Variants in NCBP1 observed in about 807,000 individuals in gnomAD.
The protein encoded by NCBP1 is nuclear cap binding protein subunit 1.
A neutral mutation model predicts 111.7 loss-of-function variants in NCBP1; 16 were observed. The observed-to-expected ratio is 0.14, with a 90% CI of 0.10 to 0.22. The LOEUF (loss-of-function observed/expected upper bound fraction) is 0.22. Ranked by LOEUF, NCBP1 falls within the 10% of genes least tolerant of loss-of-function variation. The pLI is 1.00. For missense variants in NCBP1, 607 were observed against 957.5 expected (o/e 0.63, Z 4.83); for synonymous variants, 304 against 314.3 (o/e 0.97, Z 0.35).
At position 97,664,371 on chromosome 9, in the gene NCBP1, G is replaced by A. The variant is rs189780807; in HGVS notation, c.1829G>A (p.Arg610His). The change falls in exon 19 of 23, where the codon CGT (arginine) becomes CAT (histidine). Residue 610 changes from arginine (R) to histidine (H), a missense_variant. Physicochemically the swap from Arg to His is conservative, Grantham distance 29. Transcript: ENST00000375147. Reference protein sequence around the residue: ...MIAVLVDKMIRTQIVDCAAVA... With the variant: ...MIAVLVDKMIHTQIVDCAAVA... ...GCTGTACTAGTGGATAAGATGATTC[G>A]TACACAAATAGTTGATTGTGCTGCC... 4 of 1,612,350 alleles carry A rather than the reference G, an allele frequency of 2.5e-6. No individual in the cohort carries two copies. The highest frequency in any genetic ancestry group is 1.7e-5 in the Admixed American group (1 of 59,972).
At chr9:97,671,037 GCT>G in intron 22 of NCBP1, 47 bp from the exon 23 acceptor site, 3 of 1,244,798 alleles carry the variant, frequency 2.4e-6, no homozygotes, top group Non-Finnish European at 3.5e-6. Flanking sequence ...CCACAAGATT[GCT>G]TATATGCTTT....
At chr9:97,641,876 C>G (rs138905040) in intron 3 of NCBP1, among the ~76,000 whole-genome samples, 1 of 152,106 alleles carries the variant, frequency 6.6e-6, no homozygotes, top group African/African-American at 2.4e-5. Flanking sequence ...TATGTTCTTA[C>G]AACCTTAGAA....
chr9:97,643,470 T>G (rs1827254461), intron 4 of NCBP1, 110 bp downstream of exon 4: 3 of 1,170,712 alleles, frequency 2.6e-6, no homozygotes, highest in Non-Finnish European at 3.5e-6. Flanking sequence ...TCATTCACTT[T>G]CATAGCTTCA....
In NCBP1 at chr9:97,654,836, T is replaced by G. The variant is rs1271829002; in HGVS notation, c.1171-44T>G. 3 of 1,534,916 alleles carry G rather than the reference T, an allele frequency of 2.0e-6. No homozygotes were observed. The South Asian group carries it at 3.4e-5, about 17-fold the overall frequency. On this transcript the variant is annotated intron_variant, in intron 11 of 22. Transcript: ENST00000375147. The stretch of plus-strand genomic sequence containing the variant: ...CTATTCTTGTCTATTACAACTTATT[T>G]GGGATAAAAGTGGAGAATAGTTTTC...
intron 16 of NCBP1, among the ~76,000 whole-genome samples, chr9:97,661,502 C>T (rs531176338): frequency 3.3e-5 from 5 of 152,212 alleles, no homozygotes; most frequent in African/African-American, 1.2e-4. Context: ...GGAAAATTGA[C>T]AAAATAATTT....
Position 97,648,167 on chromosome 9 carries a change from G to C in NCBP1, c.841G>C (p.Val281Leu), listed in dbSNP as rs367848815. 3 of 1,614,010 alleles carry C rather than the reference G, an allele frequency of 1.9e-6. No homozygotes were observed. The Admixed American group carries it at 5.0e-5, about 27-fold the overall frequency. The change falls in exon 8 of 23, where the codon GTG becomes CTG. Residue 281 changes from valine to leucine, a missense_variant. Transcript: ENST00000375147. ...FTPPPHTEDS[V>L]YPMPRVIFRM... The stretch of plus-strand genomic sequence containing the variant: ...ACCACCTCCTCACACTGAAGATTCA[G>C]TGTACCCAATGCCAAGGGTCATCTT...
At position 97,671,142 on chromosome 9, in the gene NCBP1, T is replaced by C. The variant is rs1164690855; in HGVS notation, c.2316T>C (p.Ala772=). The part of the protein sequence containing the change: ...MVTLENLLFT[A]ELDPHILAVF... ...CCCTGGAGAACCTTCTCTTCACTGC[T>C]GAATTAGACCCTCATATCTTGGCCG... The change falls in exon 23 of 23, where the codon GCT becomes GCC. Residue 772 remains alanine, a synonymous_variant. Transcript: ENST00000375147. 1.2e-6 allele frequency: 2 copies of C among 1,613,954 alleles called. No individual in the cohort carries two copies. The highest frequency in any genetic ancestry group is 2.7e-5 in the African/African-American group (2 of 75,054).
At chr9:97,651,397 T>C in intron 10 of NCBP1, 24 bp downstream of exon 10, 1 of 1,602,810 alleles carries the variant, frequency 6.2e-7, no homozygotes, top group Non-Finnish European at 8.5e-7. Context: ...GTGGAGCGTG[T>C]TTCTGAGTTT....
rs746981723 is a variant in NCBP1 at position 97,654,903 on chromosome 9, A to T, written c.1194A>T (p.Leu398=). 1 of 1,613,108 alleles carries T rather than the reference A, an allele frequency of 6.2e-7. No homozygotes were observed. The highest frequency in any genetic ancestry group is 2.2e-5 in the East Asian group (1 of 44,794). ...PQVLAQATEM[L]YMRLDTMNTT... Reference sequence around the variant, plus strand: ...AGCTTGCACAGGCAACTGAAATGCTATACATGCGTTTGGACACAATGAACA... The same window carrying T: ...AGCTTGCACAGGCAACTGAAATGCTTTACATGCGTTTGGACACAATGAACA... Residue 398 remains leucine, a synonymous_variant, in exon 12 of 23, where the codon CTA becomes CTT. Transcript: ENST00000375147.
intron 15 of NCBP1, 90 bp from the exon 16 acceptor site, chr9:97,660,855 TA>T (rs34461848): frequency 1.9e-5 from 27 of 1,438,052 alleles, no homozygotes; most frequent in Non-Finnish European, 2.4e-5. Flanking sequence ...AGGAAGAATT[TA>T]AAAAAAATTT....
At chr9:97,669,947 G>A (rs1458312625) in intron 22 of NCBP1, 11 of 521,556 alleles carry the variant, frequency 2.1e-5, no homozygotes, top group South Asian at 2.1e-4. Flanking sequence ...TTTTGAGATG[G>A]CATCTCACTC....
intron 14 of NCBP1, among the ~76,000 whole-genome samples, chr9:97,656,940 C>G (rs1827674562): frequency 6.6e-6 from 1 of 152,136 alleles, no homozygotes; most frequent in Non-Finnish European, 1.5e-5. Context: ...ACCTGTATTT[C>G]CTGTCTGGTC....
At chr9:97,659,725 G>C (rs1448648095) in intron 15 of NCBP1, among the ~76,000 whole-genome samples, 1 of 152,130 alleles carries the variant, frequency 6.6e-6, no homozygotes. Context: ...GTCCTGTACT[G>C]GTTCCGAGAA....
In NCBP1 at chr9:97,656,049, C is replaced by A. The variant is rs77602722; in HGVS notation, c.1337C>A (p.Pro446Gln). ...CLSQDPESPK[P>Q]KFVREVLEKC... ...AGTCAAGATCCTGAAAGTCCCAAAC[C>A]GAAGTTTGTAAGAGAAGTTCTAGAA... is the stretch of plus-strand genomic sequence containing the variant. The change falls in exon 14 of 23, where the codon CCG becomes CAG. Residue 446 changes from proline (P) to glutamine (Q), a missense_variant. By Grantham distance (76) the Pro-to-Gln change is moderately conservative (BLOSUM62 -1). Transcript: ENST00000375147. 1 of 1,613,878 alleles carries A rather than the reference C, an allele frequency of 6.2e-7. No individual in the cohort carries two copies. Among genetic ancestry groups the A allele is most frequent in the African/African-American group, 1.3e-5 (1 of 75,022 alleles).
intron 14 of NCBP1, among the ~76,000 whole-genome samples, chr9:97,657,003 C>G (rs867773582): frequency 2.0e-5 from 3 of 152,284 alleles, no homozygotes; most frequent in South Asian, 4.1e-4. Context: ...GAGTCTCGCT[C>G]TGTCACCCAG....
At chr9:97,664,488 T>TA in intron 19 of NCBP1, 45 bp downstream of exon 19, 1 of 1,313,002 alleles carries the variant, frequency 7.6e-7, no homozygotes, top group Non-Finnish European at 1.1e-6. Flanking sequence ...TAAGAATTGA[T>TA]ATATGTGTGG....
In NCBP1 at chr9:97,655,394, AT is replaced by A. The variant is rs57821267; in HGVS notation, c.1236-297del. Among the ~76,000 whole-genome samples, 877 of 149,310 alleles carry A rather than the reference AT, an allele frequency of 5.9e-3. 4 individuals carry two copies. Among genetic ancestry groups the A allele is most frequent in the African/African-American group, 0.013 (535 of 40,794 alleles). On this transcript the variant is annotated intron_variant, in intron 12 of 22. Coordinates refer to ENST00000375147, the MANE Select transcript of NCBP1 (RefSeq NM_002486.5). ...TGCACCTGGCCTACAATTTCATAAA[AT>A]TTTTTTTTTTCTTGCTTCAGTTTCA...
At chr9:97,645,248 T>TTCAG in intron 5 of NCBP1, 24 bp downstream of exon 5, 7 of 1,524,452 alleles carry the variant, frequency 4.6e-6, no homozygotes, top group Non-Finnish European at 6.4e-6. Flanking sequence ...TCATGCTGAA[T>TTCAG]CTTGAGGGGT....
intron 18 of NCBP1, among the ~76,000 whole-genome samples, chr9:97,663,266 AAT>A (rs1334522017): frequency 4.6e-5 from 7 of 152,198 alleles, no homozygotes; most frequent in African/African-American, 1.4e-4. Context: ...ATAATATCTC[AAT>A]ATGTTTTAAA....
Sources: allele counts gnomAD v4.1 joint callset (sites outside exome capture counted in the v4.1 genomes callset), GRCh38; gene constraint gnomAD v4.1.1; transcripts MANE v1.5; gene names NCBI Gene and HGNC (gene_info 2026-07-23, HGNC 2026-07-21).